The following CSMD1 variants were observed in gnomAD, a reference collection of about 807,000 sequenced individuals.
CSMD1 encodes CUB and sushi domain-containing protein 1.
In CSMD1, 213 loss-of-function variants were observed where a neutral mutation model predicts 417.5. The observed-to-expected ratio is 0.51, with a 90% CI of 0.46 to 0.57. The LOEUF (loss-of-function observed/expected upper bound fraction) is 0.57. CSMD1 is among the 20% of genes least tolerant of loss of function. CSMD1 has a pLI of 0.00. For missense variants in CSMD1, 6,923 were observed against 4,529.7 expected (o/e 1.53, Z -15.17); for synonymous variants, 2,862 against 1,736.8 (o/e 1.65, Z -16.11).
At chr8:3,906,468 G>C (rs964735645) in intron 5 of CSMD1, among the ~76,000 whole-genome samples, 3 of 152,066 alleles carry the variant, frequency 2.0e-5, no homozygotes, top group Admixed American at 6.6e-5. Context: ...ATTCTGAAAA[G>C]ACATAATGGA....
intron 7 of CSMD1, among the ~76,000 whole-genome samples, chr8:3,684,272 G>GTTATATATTATATATAATATATAAA (rs1255191503): frequency 7.3e-6 from 1 of 137,658 alleles, no homozygotes; most frequent in African/African-American, 2.7e-5. Context: ...ATAGCTATAT[G>GTTATATATTATATATAATATATAAA]TTATATATTA....
At chr8:3,848,289 T>C (rs1185858754) in intron 5 of CSMD1, among the ~76,000 whole-genome samples, 1 of 152,134 alleles carries the variant, frequency 6.6e-6, no homozygotes, top group Non-Finnish European at 1.5e-5. Context: ...GGGGAGCTCA[T>C]TCTACTGCGA....
chr8:3,445,917 A>G (rs760445615), intron 12 of CSMD1, among the ~76,000 whole-genome samples: 8 of 152,196 alleles, frequency 5.3e-5, no homozygotes, highest in Non-Finnish European at 1.0e-4. Flanking sequence ...CTTGACTCCA[A>G]AGAAGATTGT....
chr8:4,173,223 C>G (rs1180356841), intron 3 of CSMD1, among the ~76,000 whole-genome samples: 4 of 152,104 alleles, frequency 2.6e-5, no homozygotes, highest in Admixed American at 6.5e-5. Context: ...ACCAATAACT[C>G]TTTAATGCAA....
intron 4 of CSMD1, among the ~76,000 whole-genome samples, chr8:4,023,334 C>T (rs753446997): frequency 5.9e-5 from 9 of 152,140 alleles, no homozygotes; most frequent in Non-Finnish European, 1.2e-4. Context: ...TGTTTGAGCC[C>T]ATTAATACTG....
rs1801227642 is a variant in CSMD1 at position 4,353,678 on chromosome 8, A to G, written c.415+66275T>C. Among the ~76,000 whole-genome samples, 3 of 152,130 alleles carry G rather than the reference A, an allele frequency of 2.0e-5. 1 individual carries two copies. Among genetic ancestry groups the G allele is most frequent in the Non-Finnish European group, 4.4e-5 (3 of 68,026 alleles). The stretch of plus-strand genomic sequence containing the variant: ...CAATCTGCCTTTACTCATTTCTCTC[A>G]GAATTCACAATCAGGCATAAGAAAA... On this transcript the variant is annotated intron_variant, in intron 3 of 69. Transcript: ENST00000635120.
chr8:3,414,093 C>A (rs572999941), intron 12 of CSMD1, among the ~76,000 whole-genome samples: 2 of 147,478 alleles, frequency 1.4e-5, no homozygotes, highest in Admixed American at 1.4e-4. Flanking sequence ...GAGCCAAGAT[C>A]GCGACACTGC....
chr8:3,271,821 T>C (rs1801880242), intron 26 of CSMD1, among the ~76,000 whole-genome samples: 1 of 152,182 alleles, frequency 6.6e-6, no homozygotes, highest in Non-Finnish European at 1.5e-5. Context: ...TTATAGATTG[T>C]GGATATTAGC....
intron 2 of CSMD1, among the ~76,000 whole-genome samples, chr8:4,554,786 C>T (rs1407736410): frequency 6.6e-6 from 1 of 152,166 alleles, no homozygotes; most frequent in Admixed American, 6.6e-5. Context: ...ACCCATGAGC[C>T]AGCAGCGTCC....
chr8:3,980,653 T>A (rs1761041026), intron 5 of CSMD1, among the ~76,000 whole-genome samples: 1 of 152,194 alleles, frequency 6.6e-6, no homozygotes, highest in South Asian at 2.1e-4. Flanking sequence ...CTGTATCAAA[T>A]GAAAATATAC....
chr8:3,414,345 A>G (rs946867117), intron 12 of CSMD1, among the ~76,000 whole-genome samples: 1 of 151,858 alleles, frequency 6.6e-6, no homozygotes, highest in African/African-American at 2.4e-5. Flanking sequence ...GAGCTTACAT[A>G]GTCCAGTTAC....
chr8:4,280,358 T>C (rs796473394), intron 3 of CSMD1, among the ~76,000 whole-genome samples: 12 of 152,280 alleles, frequency 7.9e-5, no homozygotes, highest in African/African-American at 2.6e-4. Flanking sequence ...TTCTAATAAA[T>C]AATAATTGAA....
intron 1 of CSMD1, among the ~76,000 whole-genome samples, chr8:4,983,260 C>T (rs1448304824): frequency 6.6e-6 from 1 of 152,176 alleles, no homozygotes; most frequent in Non-Finnish European, 1.5e-5. Context: ...TTTACCAACA[C>T]CTTCCCTAGG....
intron 25 of CSMD1, among the ~76,000 whole-genome samples, chr8:3,296,876 A>G (rs929794701): frequency 5.9e-5 from 9 of 152,202 alleles, no homozygotes; most frequent in African/African-American, 1.9e-4. Flanking sequence ...TGTCAACTAG[A>G]CATAGATGGA....
intron 1 of CSMD1, among the ~76,000 whole-genome samples, chr8:4,642,484 G>C (rs1045368915): frequency 1.3e-5 from 2 of 152,204 alleles, no homozygotes; most frequent in African/African-American, 4.8e-5. Context: ...TAGCAGCTGA[G>C]ATGATTCATC....
intron 3 of CSMD1, among the ~76,000 whole-genome samples, chr8:4,040,601 G>C (rs924054861): frequency 6.6e-6 from 1 of 152,172 alleles, no homozygotes; most frequent in East Asian, 1.9e-4. Flanking sequence ...ATGCATATAT[G>C]GATTGGGGAG....
At chr8:3,530,046 G>T (rs28675765) in intron 10 of CSMD1, among the ~76,000 whole-genome samples, 1,535 of 152,158 alleles carry the variant, frequency 0.01, 21 homozygotes, top group African/African-American at 0.035. Flanking sequence ...GAGTATACAT[G>T]CTAAATGCTC....
chr8:3,919,526 T>C (rs1267429534), intron 5 of CSMD1, among the ~76,000 whole-genome samples: 4 of 152,184 alleles, frequency 2.6e-5, no homozygotes, highest in African/African-American at 7.2e-5. Flanking sequence ...ATACTGCTTT[T>C]ATTACTGAAG....
chr8:4,330,839 C>T (rs953175208), intron 3 of CSMD1, among the ~76,000 whole-genome samples: 7 of 152,084 alleles, frequency 4.6e-5, no homozygotes, highest in African/African-American at 1.7e-4. Context: ...CAGCTCATAT[C>T]CCACCTTCCC....
Sources: gnomAD v4.1 joint callset for allele counts (sites outside exome capture counted in the v4.1 genomes callset) on GRCh38, gnomAD v4.1.1 for gene constraint, MANE v1.5 for transcripts, NCBI Gene and HGNC (gene_info 2026-07-23, HGNC 2026-07-21) for gene names.